FER1L6: variants seen among roughly 807,000 people sequenced by gnomAD.
The protein encoded by FER1L6 is fer-1-like protein 6.
In FER1L6, 177 loss-of-function variants were observed where a neutral mutation model predicts 219.2. That is an observed-to-expected ratio of 0.81 (90% CI 0.71 to 0.91). FER1L6 has a LOEUF of 0.91. FER1L6 is among the 40% of genes least tolerant of loss of function. FER1L6 has a pLI of 0.00. For synonymous variants in FER1L6, 768 were observed against 824.3 expected, an observed-to-expected ratio of 0.93 and a Z score of 1.17; for missense variants, 2,153 against 2,259.9, an observed-to-expected ratio of 0.95 and a Z score of 0.96.
At position 124,049,599 on chromosome 8, in the gene FER1L6, T is replaced by C. The variant is rs916289528; in HGVS notation, c.2725-8T>C. 2 of 1,613,536 alleles carry C rather than the reference T, an allele frequency of 1.2e-6. No individual in the cohort carries two copies. The highest frequency in any genetic ancestry group is 3.3e-5 in the Admixed American group (2 of 59,990). On this transcript the variant is annotated splice_region_variant and splice_polypyrimidine_tract_variant and intron_variant, in intron 21 of 40. Transcript: ENST00000522917. ...AGGAAATACAAACTCATTTCTTTTC[T>C]TCTTTAGGGGAAGCCAGAATATTTG...
chr8:123,992,401 A>T (rs967763666), intron 12 of FER1L6, among the ~76,000 whole-genome samples: 4 of 152,102 alleles, frequency 2.6e-5, no homozygotes, highest in Admixed American at 6.5e-5. Flanking sequence ...TGGTCTCTTC[A>T]GGGTTTCTAT....
intron 21 of FER1L6, among the ~76,000 whole-genome samples, chr8:124,047,273 A>G (rs1443137077): frequency 6.6e-6 from 1 of 152,222 alleles, no homozygotes; most frequent in African/African-American, 2.4e-5. Context: ...CACATCTGCT[A>G]CTTTCTAGCT....
chr8:123,856,284 G>GTATATACA (rs1816642391), intron 1 of FER1L6, among the ~76,000 whole-genome samples: 2 of 84,670 alleles, frequency 2.4e-5, no homozygotes, highest in African/African-American at 8.5e-5. Flanking sequence ...GTGTATATAT[G>GTATATACA]TGTGTGTGTA....
chr8:123,878,020 C>G (rs1010829815), intron 1 of FER1L6, among the ~76,000 whole-genome samples: 2 of 152,100 alleles, frequency 1.3e-5, no homozygotes, highest in Non-Finnish European at 2.9e-5. Flanking sequence ...ACGTTCTATT[C>G]TAATAAAATG....
intron 39 of FER1L6, among the ~76,000 whole-genome samples, chr8:124,105,682 C>T (rs1042826308): frequency 6.6e-6 from 1 of 152,066 alleles, no homozygotes; most frequent in South Asian, 2.1e-4. Flanking sequence ...TCCCGGTGAC[C>T]TTTTAAAAAG....
chr8:123,957,931 C>G (rs1301289369), intron 2 of FER1L6, among the ~76,000 whole-genome samples: 1 of 152,194 alleles, frequency 6.6e-6, no homozygotes, highest in Non-Finnish European at 1.5e-5. Context: ...TTTGGTCTTG[C>G]CTTCTTGGCC....
At chr8:124,084,388 G>A (rs1002841624) in intron 33 of FER1L6, among the ~76,000 whole-genome samples, 7 of 152,070 alleles carry the variant, frequency 4.6e-5, no homozygotes, top group Non-Finnish European at 7.4e-5. Context: ...GATCCTAGCT[G>A]TGGGTCTGTT....
intron 1 of FER1L6, among the ~76,000 whole-genome samples, chr8:123,945,177 A>C (rs1356288535): frequency 1.3e-5 from 2 of 152,174 alleles, no homozygotes; most frequent in African/African-American, 4.8e-5. Context: ...TGAGACTGAG[A>C]GGACTAGACT....
chr8:123,979,260 G>A (rs551513296), intron 10 of FER1L6, among the ~76,000 whole-genome samples: 1 of 152,300 alleles, frequency 6.6e-6, no homozygotes, highest in Non-Finnish European at 1.5e-5. Context: ...CCTGCGTGAA[G>A]CACTCAATTG....
intron 13 of FER1L6, among the ~76,000 whole-genome samples, chr8:124,006,934 C>G (rs1450654766): frequency 1.3e-5 from 2 of 152,174 alleles, no homozygotes; most frequent in Non-Finnish European, 2.9e-5. Context: ...CCAAAGAAAC[C>G]TTGAGACAAA....
intron 14 of FER1L6, among the ~76,000 whole-genome samples, chr8:124,013,100 T>G (rs1241371548): frequency 6.6e-6 from 1 of 152,258 alleles, no homozygotes; most frequent in Non-Finnish European, 1.5e-5. Flanking sequence ...TACTCTACAT[T>G]GTTAGCTATT....
At chr8:123,882,052 C>T (rs1817119366) in intron 1 of FER1L6, among the ~76,000 whole-genome samples, 1 of 152,110 alleles carries the variant, frequency 6.6e-6, no homozygotes, top group East Asian at 1.9e-4. Flanking sequence ...TTAAGGCTTA[C>T]AGATTTCAAC....
At chr8:123,937,737 C>T (rs1814066109) in intron 1 of FER1L6, among the ~76,000 whole-genome samples, 1 of 152,002 alleles carries the variant, frequency 6.6e-6, no homozygotes, top group Admixed American at 6.5e-5. Flanking sequence ...TGCTTTTCAA[C>T]AAATATTTAA....
chr8:123,928,238 T>C (rs1432350680), intron 1 of FER1L6, among the ~76,000 whole-genome samples: 1 of 152,124 alleles, frequency 6.6e-6, no homozygotes, highest in Non-Finnish European at 1.5e-5. Flanking sequence ...TGGCAAATTA[T>C]TGAAGTTTTT....
At chr8:124,006,689 T>C (rs1260374529) in intron 13 of FER1L6, among the ~76,000 whole-genome samples, 1 of 152,200 alleles carries the variant, frequency 6.6e-6, no homozygotes, top group East Asian at 1.9e-4. Flanking sequence ...TGACAGGTCA[T>C]CATGTGATGA....
At chr8:123,874,436 T>C (rs542185383) in intron 1 of FER1L6, among the ~76,000 whole-genome samples, 3 of 152,314 alleles carry the variant, frequency 2.0e-5, no homozygotes, top group East Asian at 1.9e-4. Flanking sequence ...AAATGAATCA[T>C]GCATGTGCAC....
chr8:124,114,218 C>T (rs1823138011), intron 39 of FER1L6, among the ~76,000 whole-genome samples: 1 of 151,920 alleles, frequency 6.6e-6, no homozygotes, highest in South Asian at 2.1e-4. Flanking sequence ...CAGTCACCCT[C>T]CTCCCCCACC....
At chr8:123,942,073 C>T (rs1368575468) in intron 1 of FER1L6, among the ~76,000 whole-genome samples, 1 of 152,150 alleles carries the variant, frequency 6.6e-6, no homozygotes, top group Non-Finnish European at 1.5e-5. Flanking sequence ...GCCCAGGCCC[C>T]TTCCTTTGCA....
intron 5 of FER1L6, among the ~76,000 whole-genome samples, chr8:123,968,781 G>A (rs1330383831): frequency 6.6e-6 from 1 of 152,160 alleles, no homozygotes; most frequent in South Asian, 2.1e-4. Flanking sequence ...TATAATGTAT[G>A]ATGACATTTT....
Sources: gnomAD v4.1 joint callset for allele counts (sites outside exome capture counted in the v4.1 genomes callset) on GRCh38, gnomAD v4.1.1 for gene constraint, MANE v1.5 for transcripts, NCBI Gene and HGNC (gene_info 2026-07-23, HGNC 2026-07-21) for gene names.